Variants in GOLGA8S observed in about 807,000 individuals in gnomAD.
The protein encoded by GOLGA8S is golgin subfamily A member 8S.
A neutral mutation model predicts 58.9 loss-of-function variants in GOLGA8S; 23 were observed. The observed-to-expected ratio is 0.39, with a 90% CI of 0.28 to 0.55. The LOEUF is 0.55. GOLGA8S is among the 20% of genes least tolerant of loss of function. The pLI, the probability that GOLGA8S is intolerant of heterozygous loss-of-function variation, is 0.63. For missense variants in GOLGA8S, 266 were observed against 514.2 expected (o/e 0.52, Z 4.67); for synonymous variants, 84 against 195.7 (o/e 0.43, Z 4.76).
chr15:23,367,774 CAT>C (rs960995207), downstream of GOLGA8S, among the ~76,000 whole-genome samples: 1 of 151,814 alleles, frequency 6.6e-6, no homozygotes, highest in African/African-American at 2.4e-5. Context: ...TCATCAGAAA[CAT>C]AGAATTTTAA....
At chr15:23,358,446 T>C (rs2069723278) in intron 4 of GOLGA8S, 26 bp from the exon 5 acceptor site, 1 of 886,200 alleles carries the variant, frequency 1.1e-6, no homozygotes, top group Non-Finnish European at 1.8e-6. Context: ...CCACCCTCCA[T>C]CACCTTAATG....
At chr15:23,365,396 C>T (rs1425959999), downstream of GOLGA8S, 13 of 589,082 alleles carry the variant, frequency 2.2e-5, no homozygotes, top group South Asian at 8.4e-5. Flanking sequence ...GCATGCATAT[C>T]GAGTTTGCCC....
intron 11 of GOLGA8S, 96 bp from the exon 12 acceptor site, chr15:23,361,125 G>A (rs2069784316): frequency 2.0e-6 from 2 of 977,136 alleles, no homozygotes; most frequent in East Asian, 2.4e-5. Flanking sequence ...TGTGCGCCAA[G>A]AGGAGGGTTT....
chr15:23,368,093 T>C (rs1336460229), downstream of GOLGA8S, among the ~76,000 whole-genome samples: 1 of 151,942 alleles, frequency 6.6e-6, no homozygotes, highest in African/African-American at 2.4e-5. Context: ...AAAATATGAA[T>C]ACTATAGTAT....
rs1836249560 is a variant in GOLGA8S at position 23,365,060 on chromosome 15, GA to G, written c.1805del (p.Glu602GlyfsTer?). On this transcript the variant is annotated frameshift_variant, in exon 19 of 19. Coordinates refer to ENST00000562295, the Ensembl canonical transcript of GOLGA8S. LOFTEE classifies it high-confidence loss of function. Reference sequence around the variant, plus strand: ...ACAGCCGATCGTGCAGGACCACCAGGAGCACCCAGGCTTGGGCAACAACTGC... The same window carrying G: ...ACAGCCGATCGTGCAGGACCACCAGGGCACCCAGGCTTGGGCAACAACTGC... The G allele has an allele frequency of 6.3e-7, 1 of 1,580,448 alleles. No individual in the cohort carries two copies. The highest frequency in any genetic ancestry group is 1.4e-5 in the African/African-American group (1 of 70,864).
At chr15:23,364,502 C>G in intron 16 of GOLGA8S, 24 bp from the exon 17 acceptor site, 2 of 1,604,284 alleles carry the variant, frequency 1.2e-6, no homozygotes. Flanking sequence ...GGGGCCCCAG[C>G]GTCTGAGCCC....
chr15:23,361,334 C>G (rs765734989), exon 12 of GOLGA8S: 3 of 1,200,590 alleles, frequency 2.5e-6, no homozygotes, highest in Non-Finnish European at 3.7e-6. Flanking sequence ...GGAGTACAAT[C>G]AGCGCATAAG....
chr15:23,358,198 C>T (rs1203553605), intron 4 of GOLGA8S, among the ~76,000 whole-genome samples: 1 of 151,852 alleles, frequency 6.6e-6, no homozygotes, highest in African/African-American at 2.4e-5. Context: ...GAAGGGGGGG[C>T]CTTTCTCAAA....
chr15:23,366,160 C>T (rs1487274258), downstream of GOLGA8S: 2 of 151,762 alleles, frequency 1.3e-5, no homozygotes, highest in Admixed American at 6.6e-5. Context: ...AAATCCTTTA[C>T]GAGTTCAAAT....
downstream of GOLGA8S, chr15:23,365,532 A>G: frequency 3.3e-6 from 1 of 307,342 alleles, no homozygotes; most frequent in Non-Finnish European, 6.2e-6. Context: ...CAGAATTCAG[A>G]CAAAATTTGC....
intron 11 of GOLGA8S, 88 bp downstream of exon 11, chr15:23,360,903 T>A (rs937621756): frequency 1.4e-4 from 116 of 857,250 alleles, no homozygotes; most frequent in Middle Eastern, 9.6e-4. Context: ...GGTGGGTGGA[T>A]GGAAGGGCTT....
downstream of GOLGA8S, chr15:23,365,427 CA>C: frequency 1.9e-6 from 1 of 536,274 alleles, no homozygotes; most frequent in Non-Finnish European, 3.3e-6. Flanking sequence ...GGGGTTCAAA[CA>C]CACAAAGACC....
At chr15:23,366,211 T>G (rs890797578), downstream of GOLGA8S, 1 of 151,572 alleles carries the variant, frequency 6.6e-6, no homozygotes, top group East Asian at 1.9e-4. Flanking sequence ...AAGAATGAAT[T>G]AGAGTGAAGG....
intron 1 of GOLGA8S, 87 bp downstream of exon 1, chr15:23,354,980 G>C (rs1376012287): frequency 2.4e-6 from 1 of 409,516 alleles, no homozygotes; most frequent in Non-Finnish European, 4.6e-6. Flanking sequence ...TACCACTCCC[G>C]AGGTTCACCG....
intron 15 of GOLGA8S, among the ~76,000 whole-genome samples, chr15:23,364,101 G>C (rs1229338775): frequency 7.3e-6 from 1 of 136,286 alleles, no homozygotes; most frequent in African/African-American, 2.6e-5. Context: ...AAAGAGCAGA[G>C]GGTGGCTGCC....
At position 23,361,184 on chromosome 15, in the gene GOLGA8S, G is replaced by A; in HGVS notation, c.875-37G>A. On this transcript the variant is annotated intron_variant, in intron 11 of 18. Coordinates refer to ENST00000562295, the Ensembl canonical transcript of GOLGA8S. ...CTTTTCTTTTCTTTTTTTTTTTTTG[G>A]AATCCAGAGGCTCTTATTGTCTGCT... 4 of 845,742 alleles carry A rather than the reference G, an allele frequency of 4.7e-6. 1 individual carries two copies. The highest frequency in any genetic ancestry group is 5.5e-5 in the Admixed American group (2 of 36,548). The allele number at this position is 845,742 out of a possible 1,614,324, so 52.4% of individuals were successfully genotyped here. A position where few individuals can be genotyped will look rare whatever the true frequency, so the allele number is the denominator to read the frequency against.
downstream of GOLGA8S, chr15:23,365,165 A>G (rs766883103): frequency 3.8e-5 from 60 of 1,584,112 alleles, 1 homozygote; most frequent in Admixed American, 1.0e-3. Flanking sequence ...CTGCTCAAGA[A>G]ATTTTTAAAT....
At chr15:23,365,451 A>G (rs1727629184), downstream of GOLGA8S, 1 of 472,874 alleles carries the variant, frequency 2.1e-6, no homozygotes, top group African/African-American at 2.0e-5. Context: ...CTCTTTGCCC[A>G]AAACTGTTCT....
At chr15:23,364,472 G>T in intron 16 of GOLGA8S, 29 bp downstream of exon 16, 8 of 1,604,708 alleles carry the variant, frequency 5.0e-6, no homozygotes, top group Non-Finnish European at 5.9e-6. Flanking sequence ...CACAGCAGGG[G>T]GAGCTACAGG....
Sources: gnomAD v4.1 joint callset for allele counts (sites outside exome capture counted in the v4.1 genomes callset) on GRCh38, gnomAD v4.1.1 for gene constraint, MANE v1.5 for transcripts, NCBI Gene and HGNC (gene_info 2026-07-23, HGNC 2026-07-21) for gene names.